Variants in NCKAP5 observed in about 807,000 individuals in gnomAD.
NCKAP5 encodes the protein NCK associated protein 5.
A neutral mutation model predicts 167.0 loss-of-function variants in NCKAP5; 92 were observed. That is an observed-to-expected ratio of 0.55 (90% confidence interval 0.47 to 0.66). NCKAP5 has a LOEUF of 0.66. Among genes scored for constraint, NCKAP5 ranks in the 30% least tolerant of loss-of-function variants. NCKAP5 has a pLI of 0.00. For synonymous variants in NCKAP5, 891 were observed against 877.4 expected, an observed-to-expected ratio of 1.02 and a Z score of -0.27; for missense variants, 2,378 against 2,315.0, an observed-to-expected ratio of 1.03 and a Z score of -0.56.
Position 132,782,408 on chromosome 2 carries a change from A to AG in NCKAP5, c.4402dup (p.Leu1468ProfsTer49). 1.2e-6 allele frequency: 2 copies of AG among 1,613,894 alleles called. No homozygotes were observed. Among genetic ancestry groups the AG allele is most frequent in the Non-Finnish European group, 1.7e-6 (2 of 1,179,882 alleles). On this transcript the variant is annotated frameshift_variant, in exon 14 of 20. Coordinates refer to ENST00000409261, the MANE Select transcript of NCKAP5 (RefSeq NM_207363.3). LOFTEE classifies it high-confidence loss of function. ...GACCTTTTCTTCGATTGTGGGTGAG[A>AG]GGGGGGCTTCTGAACTCACAGCATC... is the stretch of plus-strand genomic sequence containing the variant.
In NCKAP5 at chr2:132,796,878, A is replaced by T. The variant is rs547810529; in HGVS notation, c.808-149T>A. The T allele has an allele frequency of 2.1e-4, 127 of 603,320 alleles. 1 individual carries two copies. The highest frequency in any genetic ancestry group is 1.9e-3 in the African/African-American group (102 of 54,272). 37.4% of individuals were successfully genotyped at this position (603,320 alleles called of 1,614,324 possible). A position where few individuals can be genotyped will look rare whatever the true frequency, so the allele number is the denominator to read the frequency against. ...TAAAAAAAGTTTATTCTAGTTTATCAGTGTTCCCATACATGTATATGTACG... is the reference window on the plus strand; with the variant it reads ...TAAAAAAAGTTTATTCTAGTTTATCTGTGTTCCCATACATGTATATGTACG... On this transcript the variant is annotated intron_variant, in intron 11 of 19. Coordinates refer to ENST00000409261, the MANE Select transcript of NCKAP5 (RefSeq NM_207363.3).
intron 3 of NCKAP5, among the ~76,000 whole-genome samples, chr2:133,373,178 GC>G (rs1332602778): frequency 1.3e-5 from 2 of 152,138 alleles, no homozygotes; most frequent in Admixed American, 1.3e-4. Flanking sequence ...TTGTGCCTCA[GC>G]CCCCCGAGTA....
At chr2:132,768,939 CTTTTTT>C (rs1226877275) in intron 16 of NCKAP5, among the ~76,000 whole-genome samples, 3 of 116,302 alleles carry the variant, frequency 2.6e-5, no homozygotes, top group African/African-American at 3.5e-5. Context: ...ACACCTGGCC[CTTTTTT>C]TTTTTTTTTT....
the NCKAP5 span, among the ~76,000 whole-genome samples, chr2:133,655,421 G>A: frequency 6.6e-6 from 1 of 152,172 alleles, no homozygotes; most frequent in Non-Finnish European, 1.5e-5. Flanking sequence ...AGGATGTCAA[G>A]AGAGAACAGA....
the NCKAP5 span, among the ~76,000 whole-genome samples, chr2:133,672,177 A>C: frequency 2.0e-5 from 3 of 152,224 alleles, no homozygotes; most frequent in Non-Finnish European, 4.4e-5. Flanking sequence ...GAGTCAGGGA[A>C]AAAGACTTCT....
chr2:133,440,090 T>C (rs1690739320), intron 3 of NCKAP5, among the ~76,000 whole-genome samples: 1 of 152,198 alleles, frequency 6.6e-6, no homozygotes, highest in Admixed American at 6.5e-5. Context: ...CTGGTGACTG[T>C]GTAAATTGAC....
Position 133,539,085 on chromosome 2 carries a change from C to T in NCKAP5, c.-62+19965G>A, listed in dbSNP as rs969911324. Among the ~76,000 whole-genome samples the T allele has an allele frequency of 4.0e-5, 6 of 151,578 alleles. No individual in the cohort carries two copies. In the East Asian group the frequency reaches 5.8e-4, roughly 15 times the overall value. On this transcript the variant is annotated intron_variant, in intron 2 of 19. Transcript: ENST00000409261. ...CCTCCCAAGTAGCTGGGACTACAGG[C>T]GCCAGCCACCACGCCCGGCTAATTT...
chr2:132,732,181 AT>A (rs1691087813), intron 16 of NCKAP5, 130 bp from the exon 17 acceptor site: 1 of 866,198 alleles, frequency 1.2e-6, no homozygotes, highest in Admixed American at 3.1e-5. Flanking sequence ...AAAAAGAAAA[AT>A]GTCACAAGGA....
intron 11 of NCKAP5, among the ~76,000 whole-genome samples, chr2:132,827,202 G>A (rs1030176301): frequency 6.6e-6 from 1 of 152,086 alleles, no homozygotes; most frequent in East Asian, 1.9e-4. Context: ...CTCCTTAGAT[G>A]TGATATATAT....
intron 3 of NCKAP5, among the ~76,000 whole-genome samples, chr2:133,508,399 T>C (rs1683207264): frequency 6.6e-6 from 1 of 152,226 alleles, no homozygotes; most frequent in Non-Finnish European, 1.5e-5. Flanking sequence ...GCCTTGTTGT[T>C]TGCACCACTG....
intron 16 of NCKAP5, among the ~76,000 whole-genome samples, chr2:132,745,132 T>A (rs866371706): frequency 1.3e-5 from 2 of 151,700 alleles, no homozygotes; most frequent in Non-Finnish European, 3.0e-5. Flanking sequence ...TACCTTGATA[T>A]CAAACTCAAA....
At chr2:133,407,921 C>T (rs760157576) in intron 3 of NCKAP5, among the ~76,000 whole-genome samples, 11 of 152,166 alleles carry the variant, frequency 7.2e-5, no homozygotes, top group Non-Finnish European at 1.0e-4. Context: ...GAAAGTCTCA[C>T]GATCCTAGGT....
the NCKAP5 span, among the ~76,000 whole-genome samples, chr2:133,635,144 G>T: frequency 6.6e-6 from 1 of 152,132 alleles, no homozygotes; most frequent in Non-Finnish European, 1.5e-5. Flanking sequence ...CAAGTTCTGG[G>T]ATTACAGGTG....
chr2:133,472,816 TTC>T (rs1167624960), intron 3 of NCKAP5, among the ~76,000 whole-genome samples: 1 of 152,132 alleles, frequency 6.6e-6, no homozygotes, highest in Non-Finnish European at 1.5e-5. Flanking sequence ...TCTAGGAATC[TTC>T]TCTCTCTCTT....
At chr2:132,675,507 A>G (rs1158572139) in intron 19 of NCKAP5, among the ~76,000 whole-genome samples, 1 of 152,140 alleles carries the variant, frequency 6.6e-6, no homozygotes, top group Non-Finnish European at 1.5e-5. Context: ...CTTCCTGGAA[A>G]TGCAAGTTCT....
At chr2:133,175,474 C>T (rs1249230710) in intron 5 of NCKAP5, among the ~76,000 whole-genome samples, 2 of 152,128 alleles carry the variant, frequency 1.3e-5, no homozygotes, top group Admixed American at 1.3e-4. Flanking sequence ...ATTCTTCTGT[C>T]TTTTCCTCTA....
intron 11 of NCKAP5, among the ~76,000 whole-genome samples, chr2:132,816,976 T>C (rs1475497006): frequency 6.6e-6 from 1 of 152,178 alleles, no homozygotes; most frequent in African/African-American, 2.4e-5. Context: ...CAAATGTCTA[T>C]CTATAATTAC....
At chr2:133,532,492 T>C (rs1398464422) in intron 2 of NCKAP5, among the ~76,000 whole-genome samples, 4 of 152,212 alleles carry the variant, frequency 2.6e-5, no homozygotes, top group Non-Finnish European at 5.9e-5. Context: ...TCTCTTTTAT[T>C]GAAAATAAAT....
chr2:133,417,330 G>A lies in NCKAP5; in HGVS notation c.69+100128C>T, dbSNP rs537581083. 8.5e-5 allele frequency among the ~76,000 whole-genome samples: 13 copies of A among 152,148 alleles called. 1 individual carries two copies. In the East Asian group the frequency reaches 1.4e-3, roughly 16 times the overall value. ...CAAAGCGCAATTTCCCATTAACCCC[G>A]ATTGCCTCCTTCACACCCCTGGAAG... On this transcript the variant is annotated intron_variant, in intron 3 of 19. Coordinates refer to ENST00000409261, the MANE Select transcript of NCKAP5 (RefSeq NM_207363.3).
Sources: allele counts gnomAD v4.1 joint callset (sites outside exome capture counted in the v4.1 genomes callset), GRCh38; gene constraint gnomAD v4.1.1; transcripts MANE v1.5; gene names NCBI Gene and HGNC (gene_info 2026-07-23, HGNC 2026-07-21).